APBA1: variants seen among roughly 807,000 people sequenced by gnomAD.
APBA1 encodes the protein amyloid beta precursor protein binding family A member 1.
Under a neutral mutation model 86.6 loss-of-function variants are expected in APBA1, and 55 were observed. The ratio of observed to expected loss-of-function variants is 0.64; its 90% CI spans 0.51 to 0.80. APBA1 has a LOEUF of 0.80. Among genes scored for constraint, APBA1 ranks in the 30% least tolerant of loss-of-function variants. The probability of loss-of-function intolerance (pLI) is 0.00; values close to 1 mark genes in which losing one functional copy is unlikely to be tolerated. For synonymous variants in APBA1, 511 were observed against 493.9 expected, an observed-to-expected ratio of 1.03 and a Z score of -0.46; for missense variants, 1,090 against 1,183.0, an observed-to-expected ratio of 0.92 and a Z score of 1.15.
intron 1 of APBA1, among the ~76,000 whole-genome samples, chr9:69,622,282 TCTC>T (rs1021918217): frequency 6.6e-6 from 1 of 152,110 alleles, no homozygotes; most frequent in African/African-American, 2.4e-5. Flanking sequence ...GTGCCACACA[TCTC>T]CTCCAGCAAA....
chr9:69,492,269 TGC>T (rs1835726606), intron 2 of APBA1, among the ~76,000 whole-genome samples: 1 of 152,038 alleles, frequency 6.6e-6, no homozygotes. Flanking sequence ...CCTCCCGGGT[TGC>T]CATGAGTATT....
At chr9:69,584,947 TATA>T (rs760308607) in intron 1 of APBA1, among the ~76,000 whole-genome samples, 11 of 152,170 alleles carry the variant, frequency 7.2e-5, no homozygotes, top group Non-Finnish European at 1.3e-4. Flanking sequence ...CTCATTTGGG[TATA>T]ATGTGTCTGT....
At chr9:69,608,480 A>G (rs920022512) in intron 1 of APBA1, among the ~76,000 whole-genome samples, 1 of 152,226 alleles carries the variant, frequency 6.6e-6, no homozygotes, top group Non-Finnish European at 1.5e-5. Context: ...AAGGCCTAAA[A>G]GGAAAATTCA....
intron 1 of APBA1, among the ~76,000 whole-genome samples, chr9:69,640,658 G>T (rs1201532499): frequency 6.6e-6 from 1 of 151,842 alleles, no homozygotes; most frequent in Non-Finnish European, 1.5e-5. Context: ...CCTTTCCAAG[G>T]CTATATAGCT....
chr9:69,573,748 T>G (rs1837152493), intron 1 of APBA1, among the ~76,000 whole-genome samples: 1 of 152,216 alleles, frequency 6.6e-6, no homozygotes, highest in South Asian at 2.1e-4. Flanking sequence ...TCCCTGGTGA[T>G]GCACACATAT....
chr9:69,483,769 T>G (rs1170575800), intron 2 of APBA1, among the ~76,000 whole-genome samples: 1 of 152,034 alleles, frequency 6.6e-6, no homozygotes. Context: ...CATCAGACAC[T>G]CTGTGGGGAA....
intron 1 of APBA1, 80 bp from the exon 2 acceptor site, chr9:69,517,359 C>G (rs559075760): frequency 7.8e-7 from 1 of 1,281,934 alleles, no homozygotes; most frequent in Non-Finnish European, 1.0e-6. Context: ...ACCATAAAAA[C>G]AACTGCTATT....
chr9:69,483,444 A>G (rs1046175627), intron 2 of APBA1, among the ~76,000 whole-genome samples: 1 of 152,022 alleles, frequency 6.6e-6, no homozygotes, highest in Non-Finnish European at 1.5e-5. Context: ...GGAAAGGGAT[A>G]ATATTGCACA....
intron 1 of APBA1, among the ~76,000 whole-genome samples, chr9:69,580,362 C>T (rs1453396410): frequency 1.3e-5 from 2 of 152,114 alleles, no homozygotes; most frequent in Non-Finnish European, 2.9e-5. Flanking sequence ...TCAGATCAAG[C>T]CCTAGCAACC....
At chr9:69,543,280 C>T (rs1331909416) in intron 1 of APBA1, among the ~76,000 whole-genome samples, 2 of 5,044 alleles carry the variant, frequency 4.0e-4, no homozygotes, top group African/African-American at 1.3e-3. Flanking sequence ...GGGATTTCCC[C>T]CCCCCCCCCC....
intron 1 of APBA1, among the ~76,000 whole-genome samples, chr9:69,632,718 C>A (rs1180013717): frequency 6.6e-6 from 1 of 152,156 alleles, no homozygotes; most frequent in Non-Finnish European, 1.5e-5. Flanking sequence ...TACATGAAGT[C>A]ACTTGTTCAT....
chr9:69,453,720 T>C (rs1023083724), intron 8 of APBA1, among the ~76,000 whole-genome samples: 1 of 152,224 alleles, frequency 6.6e-6, no homozygotes, highest in Non-Finnish European at 1.5e-5. Flanking sequence ...CATAACCCCC[T>C]GACGGTCTGG....
intron 2 of APBA1, among the ~76,000 whole-genome samples, chr9:69,498,881 G>A (rs1441964112): frequency 2.0e-5 from 3 of 152,094 alleles, no homozygotes; most frequent in Non-Finnish European, 4.4e-5. Context: ...AGCTATGACA[G>A]CTCAGCTTAA....
intron 1 of APBA1, among the ~76,000 whole-genome samples, chr9:69,584,466 G>T (rs1821980092): frequency 6.6e-6 from 1 of 152,154 alleles, no homozygotes; most frequent in Admixed American, 6.5e-5. Context: ...TGTGTAGTCT[G>T]ATGGCTAAGG....
At chr9:69,515,467 C>A (rs1424456015) in intron 2 of APBA1, among the ~76,000 whole-genome samples, 1 of 152,076 alleles carries the variant, frequency 6.6e-6, no homozygotes, top group Non-Finnish European at 1.5e-5. Context: ...CCCTATAAAA[C>A]AACTTCCCCC....
Position 69,432,537 on chromosome 9 carries a change from TC to T in APBA1, c.2440del (p.Glu814ArgfsTer4). On this transcript the variant is annotated frameshift_variant and splice_region_variant, in exon 12 of 13. Transcript: ENST00000265381. LOFTEE classifies it high-confidence loss of function. ...CCCTCAGCCCCGGACCTCTCCTACC[TC>T]CCCAACAGCATTGGAGAGAATGTGG... is the stretch of plus-strand genomic sequence containing the variant. ...IVHILSNAVG[E>X]IHMKTMPAAM... 1 of 1,545,066 alleles carries T rather than the reference TC, an allele frequency of 6.5e-7. No homozygotes were observed. Among genetic ancestry groups the T allele is most frequent in the East Asian group, 2.4e-5 (1 of 40,940 alleles).
At chr9:69,636,768 C>T (rs1226105148) in intron 1 of APBA1, among the ~76,000 whole-genome samples, 3 of 137,850 alleles carry the variant, frequency 2.2e-5, no homozygotes, top group Non-Finnish European at 1.5e-5. Flanking sequence ...GCACCCAAGC[C>T]TGGGTGACAG....
intron 1 of APBA1, among the ~76,000 whole-genome samples, chr9:69,604,653 CATG>C (rs1822431756): frequency 7.0e-6 from 1 of 142,980 alleles, no homozygotes; most frequent in Non-Finnish European, 1.5e-5. Flanking sequence ...CACATGCACA[CATG>C]AGGGTAAGAG....
chr9:69,551,497 C>G (rs11139299), intron 1 of APBA1, among the ~76,000 whole-genome samples: 55,280 of 150,394 alleles, frequency 0.37, 11,777 homozygotes, highest in Non-Finnish European at 0.47. Context: ...AGGTTGCAGT[C>G]AGCTGAGATC....
Sources: gnomAD v4.1 joint callset for allele counts (sites outside exome capture counted in the v4.1 genomes callset) on GRCh38, gnomAD v4.1.1 for gene constraint, MANE v1.5 for transcripts, NCBI Gene and HGNC (gene_info 2026-07-23, HGNC 2026-07-21) for gene names.